Variants in CIT observed in about 807,000 individuals in gnomAD.
CIT encodes citron rho-interacting serine/threonine kinase.
CIT carries 79 observed loss-of-function variants against 272.7 expected under a neutral mutation model. That is an observed-to-expected ratio of 0.29 (90% CI 0.24 to 0.35). The LOEUF is 0.35. CIT is among the 10% of genes least tolerant of loss of function. CIT has a pLI of 1.00. For synonymous variants in CIT, 948 were observed against 995.6 expected (o/e 0.95, Z 0.90); for missense variants, 1,909 against 2,618.3 (o/e 0.73, Z 5.91).
At position 119,700,762 on chromosome 12, in the gene CIT, C is replaced by T. The variant is rs147027368; in HGVS notation, c.5606G>A (p.Arg1869His). 9 of 1,613,916 alleles carry T rather than the reference C, an allele frequency of 5.6e-6. No individual in the cohort carries two copies. Among genetic ancestry groups the T allele is most frequent in the South Asian group, 3.3e-5 (3 of 91,076 alleles). The change falls in exon 44 of 48, where the codon CGC becomes CAC. Residue 1869 changes from arginine (R) to histidine (H), a missense_variant. Transcript: ENST00000392521. ...RSRTDDLKWS[R>H]LPLAFAYREP... ...TCACGTACCAAAGGCCAAAGGTAAGCGACTCCACTTGAGATCGTCTGTGCG... is the reference window on the plus strand; with the variant it reads ...TCACGTACCAAAGGCCAAAGGTAAGTGACTCCACTTGAGATCGTCTGTGCG...
At chr12:119,753,745 A>G (rs1445253744) in intron 22 of CIT, among the ~76,000 whole-genome samples, 1 of 151,956 alleles carries the variant, frequency 6.6e-6, no homozygotes, top group Non-Finnish European at 1.5e-5. Context: ...TCAAAAAAAA[A>G]AAAAGAAAAG....
At chr12:119,717,700 C>T (rs1175383411) in intron 32 of CIT, among the ~76,000 whole-genome samples, 8 of 151,536 alleles carry the variant, frequency 5.3e-5, no homozygotes, top group African/African-American at 1.5e-4. Flanking sequence ...GGATTACTGG[C>T]GTGAGCCACC....
At chr12:119,803,528 C>T in intron 9 of CIT, 139 bp from the exon 10 acceptor site, 6 of 559,056 alleles carry the variant, frequency 1.1e-5, no homozygotes, top group South Asian at 1.1e-4. Context: ...TAGCTCGCAA[C>T]CTCGGCTCCT....
chr12:119,838,274 T>C (rs951046908), intron 5 of CIT, among the ~76,000 whole-genome samples: 2 of 152,174 alleles, frequency 1.3e-5, no homozygotes, highest in Admixed American at 6.5e-5. Context: ...GATTTCATCA[T>C]GTTGGCCAGG....
At chr12:119,737,238 C>T (rs1436691415) in intron 24 of CIT, among the ~76,000 whole-genome samples, 3 of 124,572 alleles carry the variant, frequency 2.4e-5, no homozygotes, top group Non-Finnish European at 3.2e-5. Context: ...ACCCGGGAGG[C>T]GGAGCTTGCA....
intron 10 of CIT, among the ~76,000 whole-genome samples, chr12:119,793,938 G>A (rs958777965): frequency 1.3e-5 from 2 of 152,210 alleles, no homozygotes; most frequent in African/African-American, 4.8e-5. Context: ...CATAGTCAGT[G>A]CTATATCCCA....
chr12:119,833,534 G>A (rs952831885), intron 6 of CIT, among the ~76,000 whole-genome samples: 2 of 151,928 alleles, frequency 1.3e-5, no homozygotes, highest in Non-Finnish European at 2.9e-5. Context: ...GCATGGCGGT[G>A]CGTGCCTGTA....
intron 15 of CIT, 43 bp from the exon 16 acceptor site, chr12:119,775,882 C>T (rs1214178092): frequency 1.3e-6 from 2 of 1,492,666 alleles, no homozygotes; most frequent in African/African-American, 2.8e-5. Flanking sequence ...GGCAAATCAG[C>T]ATTAACATCT....
At chr12:119,865,759 A>G (rs1950494833) in intron 3 of CIT, among the ~76,000 whole-genome samples, 2 of 151,642 alleles carry the variant, frequency 1.3e-5, no homozygotes, top group South Asian at 4.1e-4. Flanking sequence ...AGTCCCAGCT[A>G]CTGAGGAGGC....
intron 2 of CIT, among the ~76,000 whole-genome samples, chr12:119,873,545 G>A (rs959701216): frequency 4.6e-5 from 7 of 151,960 alleles, no homozygotes; most frequent in African/African-American, 1.5e-4. Flanking sequence ...CTCCCAAATT[G>A]CTAGGATTAC....
At chr12:119,717,489 C>T (rs1268961163) in intron 32 of CIT, among the ~76,000 whole-genome samples, 5 of 131,336 alleles carry the variant, frequency 3.8e-5, no homozygotes, top group Non-Finnish European at 6.1e-5. Flanking sequence ...GGGGTGATCT[C>T]GGCTCACTGC....
At chr12:119,764,271 G>A (rs961301980) in intron 19 of CIT, among the ~76,000 whole-genome samples, 1 of 152,160 alleles carries the variant, frequency 6.6e-6, no homozygotes. Context: ...TTCACATAGT[G>A]GAGTTGTCAG....
chr12:119,869,253 A>G, intron 2 of CIT, 52 bp from the exon 3 acceptor site: 2 of 1,543,936 alleles, frequency 1.3e-6, no homozygotes, highest in Non-Finnish European at 8.7e-7. Flanking sequence ...AAAAGCTTTG[A>G]TCAATAACAT....
chr12:119,850,895 T>C (rs1171954039), intron 4 of CIT, among the ~76,000 whole-genome samples: 1 of 152,142 alleles, frequency 6.6e-6, no homozygotes, highest in African/African-American at 2.4e-5. Flanking sequence ...GCAGATTATC[T>C]GGACCCACCA....
intron 9 of CIT, among the ~76,000 whole-genome samples, chr12:119,806,145 A>AC (rs1966595579): frequency 1.3e-5 from 2 of 151,104 alleles, no homozygotes; most frequent in South Asian, 4.2e-4. Context: ...CTCAAAAAAA[A>AC]AAAAAAAAAA....
Position 119,686,216 on chromosome 12 carries a change from A to G in CIT, c.*2016T>C, listed in dbSNP as rs1955575114. The G allele has an allele frequency of 6.6e-6, 1 of 152,436 alleles. No individual in the cohort carries two copies. The highest frequency in any genetic ancestry group is 1.5e-5 in the Non-Finnish European group (1 of 68,034). The allele number at this position is 152,436 out of a possible 1,614,324, so 9.4% of individuals were successfully genotyped here. A position where few individuals can be genotyped will look rare whatever the true frequency, so the allele number is the denominator to read the frequency against. ...TTCTATATAGCAGAAAGCAGTTCACAGATGAGACACACAATATACATTTTC... is the reference window on the plus strand; with the variant it reads ...TTCTATATAGCAGAAAGCAGTTCACGGATGAGACACACAATATACATTTTC... On this transcript the variant is annotated 3_prime_UTR_variant, in exon 48 of 48. Transcript: ENST00000392521.
At chr12:119,874,813 G>A (rs911271656) in intron 2 of CIT, among the ~76,000 whole-genome samples, 3 of 151,658 alleles carry the variant, frequency 2.0e-5, no homozygotes, top group African/African-American at 4.8e-5. Context: ...GTGAACCCCG[G>A]GGGGCAGAGC....
chr12:119,815,660 C>T (rs1967111907), intron 9 of CIT, among the ~76,000 whole-genome samples: 1 of 151,672 alleles, frequency 6.6e-6, no homozygotes, highest in African/African-American at 2.4e-5. Context: ...GAGCCGAGAT[C>T]ACGCCATTGC....
At chr12:119,709,471 A>AAGGAAGAG (rs1957043347) in intron 39 of CIT, among the ~76,000 whole-genome samples, 1 of 152,154 alleles carries the variant, frequency 6.6e-6, no homozygotes, top group Admixed American at 6.5e-5. Context: ...AGAATAAAAT[A>AAGGAAGAG]AGGAAGAGAG....
Sources: allele counts gnomAD v4.1 joint callset (sites outside exome capture counted in the v4.1 genomes callset), GRCh38; gene constraint gnomAD v4.1.1; transcripts MANE v1.5; gene names NCBI Gene and HGNC (gene_info 2026-07-23, HGNC 2026-07-21).